Variants in MEOX2 observed in about 807,000 individuals in gnomAD.
MEOX2 encodes homeobox protein MOX-2.
Under a neutral mutation model 27.0 loss-of-function variants are expected in MEOX2, and 11 were observed. That is an observed-to-expected ratio of 0.41 (90% confidence interval 0.26 to 0.68). The LOEUF (loss-of-function observed/expected upper bound fraction) is 0.68, where lower values mean the gene tolerates loss of function less well. Among genes scored for constraint, MEOX2 ranks in the 30% least tolerant of loss-of-function variants. The pLI is 0.33. For synonymous variants in MEOX2, 189 were observed against 155.4 expected (o/e 1.22, Z -1.61); for missense variants, 436 against 385.4 (o/e 1.13, Z -1.10).
chr7:15,682,195 T>A (rs1782303887), intron 1 of MEOX2, among the ~76,000 whole-genome samples: 1 of 151,840 alleles, frequency 6.6e-6, no homozygotes, highest in African/African-American at 2.4e-5. Context: ...AGATCCAGTA[T>A]ATTATTTTTT....
intron 1 of MEOX2, chr7:15,677,387 C>T (rs924561901): frequency 6.6e-6 from 1 of 152,154 alleles, no homozygotes; most frequent in Non-Finnish European, 1.5e-5. Context: ...TAGTAAGAGA[C>T]ACAGCGGGGG....
intron 1 of MEOX2, among the ~76,000 whole-genome samples, chr7:15,628,746 C>T (rs1176664744): frequency 1.3e-5 from 2 of 152,122 alleles, no homozygotes; most frequent in African/African-American, 4.8e-5. Flanking sequence ...ATCCAATTGC[C>T]TCTAGCTACA....
intron 1 of MEOX2, among the ~76,000 whole-genome samples, chr7:15,629,379 A>G (rs1478316924): frequency 6.6e-6 from 1 of 152,114 alleles, no homozygotes; most frequent in Non-Finnish European, 1.5e-5. Context: ...GATTTAAGCT[A>G]AAATCTGGCT....
chr7:15,672,565 C>T (rs2115391546), intron 1 of MEOX2, among the ~76,000 whole-genome samples: 1 of 152,232 alleles, frequency 6.6e-6, no homozygotes, highest in Middle Eastern at 3.4e-3. Context: ...AAATATATCA[C>T]ATACAATCAA....
At chr7:15,678,068 C>T (rs1262698952) in intron 1 of MEOX2, among the ~76,000 whole-genome samples, 1 of 152,126 alleles carries the variant, frequency 6.6e-6, no homozygotes, top group African/African-American at 2.4e-5. Context: ...CAGCAAGCCT[C>T]CAAATAGGGA....
At chr7:15,617,095 T>C (rs1296017262) in intron 2 of MEOX2, among the ~76,000 whole-genome samples, 1 of 152,014 alleles carries the variant, frequency 6.6e-6, no homozygotes, top group Non-Finnish European at 1.5e-5. Context: ...GTTGAATCTA[T>C]ATAATGCAAT....
chr7:15,645,595 C>G (rs1222257399), intron 1 of MEOX2, among the ~76,000 whole-genome samples: 1 of 152,032 alleles, frequency 6.6e-6, no homozygotes, highest in African/African-American at 2.4e-5. Context: ...TTAAAGCAAA[C>G]AGAAATGTAA....
chr7:15,620,576 A>AAC (rs535277046), intron 2 of MEOX2, among the ~76,000 whole-genome samples: 7,514 of 152,166 alleles, frequency 0.049, 242 homozygotes, highest in African/African-American at 0.1. Flanking sequence ...ACAACAACAA[A>AAC]AAAGCAAAAC....
Position 15,686,178 on chromosome 7 carries a change from G to T in MEOX2, c.225C>A (p.His75Gln), listed in dbSNP as rs903273703. 1 of 824,320 alleles carries T rather than the reference G, an allele frequency of 1.2e-6. No individual in the cohort carries two copies. Among genetic ancestry groups the T allele is most frequent in the Non-Finnish European group, 1.8e-6 (1 of 559,708 alleles). 51.1% of individuals were successfully genotyped at this position (824,320 alleles called of 1,614,324 possible). A position where few individuals can be genotyped will look rare whatever the true frequency, so the allele number is the denominator to read the frequency against. ...GCTGCTGCTGATGGTGGTGATGGTG[G>T]TGGTGGTGGTGGTGGTGGTGGTGCC... ...HRGHHHHHHHHHHHHHQQQQH... is the reference protein window; with the variant it reads ...HRGHHHHHHHQHHHHHQQQQH... Residue 75 changes from histidine (H) to glutamine (Q), a missense_variant, in exon 1 of 3, where the codon CAC (histidine) becomes CAA (glutamine). Physicochemically the swap from His to Gln is conservative, Grantham distance 24. Transcript: ENST00000262041.
chr7:15,649,686 C>T (rs1204641122), intron 1 of MEOX2, among the ~76,000 whole-genome samples: 2 of 152,004 alleles, frequency 1.3e-5, no homozygotes, highest in Non-Finnish European at 2.9e-5. Flanking sequence ...ATGTCGATGC[C>T]ATGAATGAAT....
chr7:15,620,865 C>A (rs913686786), intron 2 of MEOX2, among the ~76,000 whole-genome samples: 1 of 152,146 alleles, frequency 6.6e-6, no homozygotes, highest in Non-Finnish European at 1.5e-5. Context: ...CAACATTACA[C>A]CTTTGATTAG....
intron 1 of MEOX2, among the ~76,000 whole-genome samples, chr7:15,683,974 T>TG (rs200296868): frequency 5.9e-5 from 9 of 152,162 alleles, no homozygotes; most frequent in East Asian, 1.9e-4. Context: ...CCCACTAAGT[T>TG]GGGGGGGAGA....
intron 1 of MEOX2, among the ~76,000 whole-genome samples, chr7:15,684,442 G>T (rs1406340867): frequency 6.6e-6 from 1 of 152,092 alleles, no homozygotes; most frequent in Non-Finnish European, 1.5e-5. Flanking sequence ...GACACTACTG[G>T]TAATTTTCTT....
chr7:15,628,249 T>C (rs1022513331), intron 1 of MEOX2, among the ~76,000 whole-genome samples: 1 of 152,116 alleles, frequency 6.6e-6, no homozygotes, highest in African/African-American at 2.4e-5. Context: ...GATGTTTAAC[T>C]GAACTAAAGA....
intron 2 of MEOX2, among the ~76,000 whole-genome samples, chr7:15,614,090 T>C (rs1393279729): frequency 6.6e-6 from 1 of 151,742 alleles, no homozygotes; most frequent in Non-Finnish European, 1.5e-5. Context: ...GTTTTCTTTT[T>C]CTAAAAAAAT....
chr7:15,673,289 A>G (rs998861328), intron 1 of MEOX2, among the ~76,000 whole-genome samples: 7 of 152,198 alleles, frequency 4.6e-5, no homozygotes, highest in African/African-American at 1.2e-4. Flanking sequence ...CTTTATAGAT[A>G]TTATATGGCA....
At chr7:15,620,558 C>A (rs1370591339) in intron 2 of MEOX2, among the ~76,000 whole-genome samples, 1 of 151,406 alleles carries the variant, frequency 6.6e-6, no homozygotes. Context: ...GGGTGACAAA[C>A]AACAACAACA....
At chr7:15,644,158 G>A (rs574930453) in intron 1 of MEOX2, among the ~76,000 whole-genome samples, 17 of 152,128 alleles carry the variant, frequency 1.1e-4, no homozygotes, top group Non-Finnish European at 2.2e-4. Flanking sequence ...TGCAGGATGA[G>A]GGCCTTGGGC....
At chr7:15,666,332 A>T (rs1782003496) in intron 1 of MEOX2, among the ~76,000 whole-genome samples, 1 of 152,234 alleles carries the variant, frequency 6.6e-6, no homozygotes, top group African/African-American at 2.4e-5. Flanking sequence ...TTAACCAGCT[A>T]TGAAAATCTC....
Sources: allele counts gnomAD v4.1 joint callset (sites outside exome capture counted in the v4.1 genomes callset), GRCh38; gene constraint gnomAD v4.1.1; transcripts MANE v1.5; gene names NCBI Gene and HGNC (gene_info 2026-07-23, HGNC 2026-07-21).